The following CNTNAP2 variants were observed in gnomAD, a reference collection of about 807,000 sequenced individuals.
CNTNAP2 encodes the protein contactin-associated protein-like 2.
Under a neutral mutation model 155.2 loss-of-function variants are expected in CNTNAP2, and 98 were observed. The observed-to-expected ratio is 0.63, with a 90% confidence interval of 0.54 to 0.75. The LOEUF (loss-of-function observed/expected upper bound fraction) is 0.75, where lower values mean the gene tolerates loss of function less well. CNTNAP2 is among the 30% of genes least tolerant of loss of function. The pLI is 0.00. For missense variants in CNTNAP2, 1,727 were observed against 1,688.1 expected, an observed-to-expected ratio of 1.02 and a Z score of -0.40; for synonymous variants, 651 against 631.2, an observed-to-expected ratio of 1.03 and a Z score of -0.47.
chr7:148,152,003 G>A (rs1019922552), intron 17 of CNTNAP2, among the ~76,000 whole-genome samples: 1 of 152,102 alleles, frequency 6.6e-6, no homozygotes, highest in Non-Finnish European at 1.5e-5. Context: ...GGAAGGAAGG[G>A]CTTTCATACA....
chr7:146,371,509 C>A (rs1795235442), intron 1 of CNTNAP2, among the ~76,000 whole-genome samples: 1 of 151,480 alleles, frequency 6.6e-6, no homozygotes, highest in Non-Finnish European at 1.5e-5. Context: ...GCTGGGACTA[C>A]AGGTACCCGC....
intron 1 of CNTNAP2, among the ~76,000 whole-genome samples, chr7:146,162,933 C>T (rs1209510769): frequency 6.6e-6 from 1 of 152,150 alleles, no homozygotes; most frequent in African/African-American, 2.4e-5. Flanking sequence ...CGCATGTTCT[C>T]ACTCATAGGT....
chr7:146,312,994 A>G (rs1352826530), intron 1 of CNTNAP2, among the ~76,000 whole-genome samples: 1 of 152,228 alleles, frequency 6.6e-6, no homozygotes, highest in East Asian at 1.9e-4. Context: ...TATCTTGGCT[A>G]TTGTGAATAA....
At chr7:146,248,916 A>C (rs1228582857) in intron 1 of CNTNAP2, among the ~76,000 whole-genome samples, 1 of 152,162 alleles carries the variant, frequency 6.6e-6, no homozygotes, top group African/African-American at 2.4e-5. Context: ...AAAGAGAGTC[A>C]GTGAAGGGAG....
chr7:146,370,067 T>C (rs1795212123), intron 1 of CNTNAP2, among the ~76,000 whole-genome samples: 2 of 151,926 alleles, frequency 1.3e-5, no homozygotes, highest in African/African-American at 4.8e-5. Context: ...TTTGTTCTTA[T>C]TGTTGTTTTT....
intron 3 of CNTNAP2, 47 bp downstream of exon 3, chr7:146,839,951 ATTAG>A (rs1562968865): frequency 6.3e-7 from 1 of 1,597,616 alleles, no homozygotes; most frequent in Non-Finnish European, 8.6e-7. Flanking sequence ...GATTGGAAAT[ATTAG>A]AAAATGGTAC....
chr7:147,523,746 G>A (rs1270852541), intron 11 of CNTNAP2, among the ~76,000 whole-genome samples: 2 of 152,156 alleles, frequency 1.3e-5, no homozygotes, highest in African/African-American at 2.4e-5. Context: ...CAACAGCCAG[G>A]TTCCTGTCTT....
At chr7:146,668,248 A>G (rs1209191176) in intron 1 of CNTNAP2, among the ~76,000 whole-genome samples, 1 of 152,058 alleles carries the variant, frequency 6.6e-6, no homozygotes, top group Admixed American at 6.5e-5. Context: ...GTCTTTAATT[A>G]TATTGATTTA....
At position 146,136,391 on chromosome 7, in the gene CNTNAP2, AC is replaced by A. The variant is rs567257052; in HGVS notation, c.97+19420del. Among the ~76,000 whole-genome samples the A allele has an allele frequency of 1.7e-4, 26 of 152,272 alleles. 1 individual carries two copies. In the South Asian group the frequency reaches 5.4e-3, roughly 32 times the overall value. On this transcript the variant is annotated intron_variant, in intron 1 of 23. Transcript: ENST00000361727. Reference sequence around the variant, plus strand: ...TTCTATGATAATGGACTCACAAGGGACCTCAAAACTTTACCATGAACATATT... The same window carrying A: ...TTCTATGATAATGGACTCACAAGGGACTCAAAACTTTACCATGAACATATT...
chr7:147,491,364 T>G (rs1483999261), intron 11 of CNTNAP2, among the ~76,000 whole-genome samples: 6 of 152,112 alleles, frequency 3.9e-5, no homozygotes, highest in African/African-American at 1.2e-4. Flanking sequence ...CTGCTTTGTC[T>G]AGTACATTTC....
intron 3 of CNTNAP2, among the ~76,000 whole-genome samples, chr7:146,973,086 T>C (rs772608001): frequency 5.3e-5 from 8 of 152,192 alleles, no homozygotes; most frequent in Non-Finnish European, 8.8e-5. Flanking sequence ...TGGAGTGCAA[T>C]GGCACGATCC....
At chr7:147,561,207 C>T (rs555741234) in intron 11 of CNTNAP2, among the ~76,000 whole-genome samples, 90 of 152,238 alleles carry the variant, frequency 5.9e-4, no homozygotes, top group Non-Finnish European at 1.0e-3. Context: ...TAGTTTAACA[C>T]ACAACAACCC....
intron 22 of CNTNAP2, among the ~76,000 whole-genome samples, chr7:148,391,901 G>T (rs1441903567): frequency 6.6e-6 from 1 of 152,226 alleles, no homozygotes; most frequent in Non-Finnish European, 1.5e-5. Flanking sequence ...AAAGGCGTTT[G>T]TGTTAAGCCT....
At chr7:148,099,404 A>G (rs2116577684) in intron 15 of CNTNAP2, among the ~76,000 whole-genome samples, 1 of 149,154 alleles carries the variant, frequency 6.7e-6, no homozygotes, top group South Asian at 2.1e-4. Context: ...ATTCCTTGCA[A>G]GAAAAAAGCA....
chr7:147,912,479 G>A (rs1457414805), intron 14 of CNTNAP2, among the ~76,000 whole-genome samples: 1 of 152,194 alleles, frequency 6.6e-6, no homozygotes, highest in Non-Finnish European at 1.5e-5. Flanking sequence ...CTTATGGAGA[G>A]ATGGAGAGGG....
intron 18 of CNTNAP2, among the ~76,000 whole-genome samples, chr7:148,215,367 A>C (rs892756013): frequency 1.3e-5 from 2 of 152,224 alleles, no homozygotes; most frequent in Non-Finnish European, 2.9e-5. Flanking sequence ...AGGCAAATTC[A>C]GGGCAGTTGT....
chr7:147,328,785 C>G (rs1017226482), intron 9 of CNTNAP2, among the ~76,000 whole-genome samples: 10 of 151,958 alleles, frequency 6.6e-5, no homozygotes, highest in African/African-American at 2.4e-4. Flanking sequence ...AATAAACCAG[C>G]CTGCAGGCGG....
intron 1 of CNTNAP2, among the ~76,000 whole-genome samples, chr7:146,256,598 A>C (rs1167371312): frequency 2.0e-5 from 3 of 152,004 alleles, no homozygotes; most frequent in Admixed American, 6.6e-5. Flanking sequence ...ATCAAAATCA[A>C]TAACTATATG....
At position 146,884,698 on chromosome 7, in the gene CNTNAP2, G is replaced by A. The variant is rs150017687; in HGVS notation, c.402+44794G>A. Among the ~76,000 whole-genome samples, 460 of 152,216 alleles carry A rather than the reference G, an allele frequency of 3.0e-3. 20 individuals carry two copies. In the East Asian group the frequency reaches 0.068, roughly 23 times the overall value. ...TAAGTAGAGTGCAACAGAAGACTTCGAGGAGAAAGCCCATGTCTAACTGGG... is the reference window on the plus strand; with the variant it reads ...TAAGTAGAGTGCAACAGAAGACTTCAAGGAGAAAGCCCATGTCTAACTGGG... On this transcript the variant is annotated intron_variant, in intron 3 of 23. Coordinates refer to ENST00000361727, the MANE Select transcript of CNTNAP2 (RefSeq NM_014141.6).
Sources: allele counts gnomAD v4.1 joint callset (sites outside exome capture counted in the v4.1 genomes callset), GRCh38; gene constraint gnomAD v4.1.1; transcripts MANE v1.5; gene names NCBI Gene and HGNC (gene_info 2026-07-23, HGNC 2026-07-21).